ADIPOR1: variants seen among roughly 807,000 people sequenced by gnomAD.
ADIPOR1 encodes adiponectin receptor 1, also known as adiponectin receptor protein 1.
In ADIPOR1, 15 loss-of-function variants were observed where a neutral mutation model predicts 37.5. The ratio of observed to expected loss-of-function variants is 0.40; its 90% CI spans 0.27 to 0.62. The LOEUF is 0.62. Among genes scored for constraint, ADIPOR1 ranks in the 20% least tolerant of loss-of-function variants. The pLI, the probability that ADIPOR1 is intolerant of heterozygous loss-of-function variation, is 0.42. For missense variants in ADIPOR1, 286 were observed against 478.0 expected, an observed-to-expected ratio of 0.60 and a Z score of 3.75; for synonymous variants, 173 against 173.2, an observed-to-expected ratio of 1.00 and a Z score of 0.01.
chr1:202,952,340 G>C (rs1323010083), intron 1 of ADIPOR1, among the ~76,000 whole-genome samples: 1 of 152,124 alleles, frequency 6.6e-6, no homozygotes, highest in African/African-American at 2.4e-5. Context: ...TTGCATTCCG[G>C]GAGAGGAAAC....
At chr1:202,951,814 C>T (rs953956524) in intron 1 of ADIPOR1, among the ~76,000 whole-genome samples, 3 of 152,204 alleles carry the variant, frequency 2.0e-5, no homozygotes, top group Admixed American at 6.5e-5. Context: ...ATCTGTCCTG[C>T]AAGCAAGCAA....
intron 6 of ADIPOR1, among the ~76,000 whole-genome samples, chr1:202,942,466 A>G (rs1000027834): frequency 1.3e-5 from 2 of 152,208 alleles, no homozygotes; most frequent in African/African-American, 4.8e-5. Flanking sequence ...CATATTCTTC[A>G]TTATCTGTTA....
At chr1:202,957,076 T>C (rs1654814065) in intron 1 of ADIPOR1, among the ~76,000 whole-genome samples, 1 of 152,116 alleles carries the variant, frequency 6.6e-6, no homozygotes, top group Non-Finnish European at 1.5e-5. Context: ...GTAAATACAT[T>C]TAGTAGCTGC....
At position 202,943,739 on chromosome 1, in the gene ADIPOR1, C is replaced by T. The variant is rs767786384; in HGVS notation, c.805+19G>A. 115 of 1,610,912 alleles carry T rather than the reference C, an allele frequency of 7.1e-5. No individual in the cohort carries two copies. Among genetic ancestry groups the T allele is most frequent in the East Asian group, 1.3e-4 (6 of 44,890 alleles). Reference sequence around the variant, plus strand: ...AAGGTCTAAATACCTCTGAGGTGTACGTACATCTTCCGACCTACCTGCTCT... The same window carrying T: ...AAGGTCTAAATACCTCTGAGGTGTATGTACATCTTCCGACCTACCTGCTCT... On this transcript the variant is annotated intron_variant, in intron 6 of 7. Transcript: ENST00000340990.
chr1:202,957,142 AT>A (rs1458291776), intron 1 of ADIPOR1, among the ~76,000 whole-genome samples: 1 of 152,242 alleles, frequency 6.6e-6, no homozygotes, highest in Non-Finnish European at 1.5e-5. Context: ...TCCTGGCAGT[AT>A]ACAGATAGTA....
rs369510824 is a variant in ADIPOR1, at chr1:202,945,814, A to C, written c.430+625T>G. On this transcript the variant is annotated intron_variant, in intron 4 of 7. Transcript: ENST00000340990. ...ACTTATAAGTGGGAGCTAAGCTATG[A>C]GTACGCAAAGGCATATAGAATGATA... Among the ~76,000 whole-genome samples the C allele has an allele frequency of 4.4e-4, 67 of 152,318 alleles. 1 individual carries two copies. The East Asian group carries it at 6.2e-3, about 14-fold the overall frequency.
In ADIPOR1 at chr1:202,955,742, T is replaced by G. The variant is rs1421094909; in HGVS notation, c.-95+2443A>C. 1.3e-5 allele frequency among the ~76,000 whole-genome samples: 2 copies of G among 152,170 alleles called. 1 individual carries two copies. The highest frequency in any genetic ancestry group is 2.9e-5 in the Non-Finnish European group (2 of 68,028). On this transcript the variant is annotated intron_variant, in intron 1 of 7. Coordinates refer to ENST00000340990, the MANE Select transcript of ADIPOR1 (RefSeq NM_015999.6). ...CATCAGCCTCCCAAAGTGCTGGGAT[T>G]ACAGGTGTGAGCCACCGTGCCCAGC... is the stretch of plus-strand genomic sequence containing the variant.
intron 6 of ADIPOR1, among the ~76,000 whole-genome samples, chr1:202,942,781 A>C (rs1654148031): frequency 6.6e-6 from 1 of 152,198 alleles, no homozygotes; most frequent in Non-Finnish European, 1.5e-5. Flanking sequence ...CATCTTTGTA[A>C]ATACCTTTGT....
intron 5 of ADIPOR1, 60 bp from the exon 6 acceptor site, chr1:202,944,005 TTAAC>T (rs1456087978): frequency 2.1e-6 from 3 of 1,459,750 alleles, no homozygotes; most frequent in Non-Finnish European, 1.9e-6. Context: ...TATGGCTCAT[TTAAC>T]TAGCTCTTTC....
intron 1 of ADIPOR1, among the ~76,000 whole-genome samples, chr1:202,956,687 G>A (rs544706021): frequency 1.3e-5 from 2 of 152,236 alleles, no homozygotes; most frequent in Non-Finnish European, 2.9e-5. Flanking sequence ...GAGGGTATAT[G>A]GTGTGAACAT....
intron 3 of ADIPOR1, among the ~76,000 whole-genome samples, chr1:202,947,246 G>A (rs1654367543): frequency 1.3e-5 from 2 of 152,174 alleles, no homozygotes; most frequent in Non-Finnish European, 2.9e-5. Flanking sequence ...ACCAGGCTGG[G>A]CGCAGTGGTT....
rs367734278 is a variant in ADIPOR1 at position 202,948,367 on chromosome 1, C to T, written c.195G>A (p.Arg65=). 2 of 1,613,912 alleles carry T rather than the reference C, an allele frequency of 1.2e-6. No individual in the cohort carries two copies. Among genetic ancestry groups the T allele is most frequent in the African/African-American group, 1.3e-5 (1 of 74,888 alleles). Residue 65 remains arginine, a synonymous_variant, in exon 3 of 8, where the codon CGG becomes CGA. Transcript: ENST00000340990. ...GGGCTTGCAGGGGAAGTGTCAGTAC[C>T]CGCACCTCCTCCTCTTCTTCCTGGG... ...PVPQEEEEEV[R]VLTLPLQAHH...
At chr1:202,946,845 C>T (rs1050471847) in intron 3 of ADIPOR1, among the ~76,000 whole-genome samples, 1 of 151,376 alleles carries the variant, frequency 6.6e-6, no homozygotes, top group South Asian at 2.1e-4. Flanking sequence ...CTGAGTGTAG[C>T]GGCTCATGCC....
Position 202,945,078 on chromosome 1 carries a change from C to T in ADIPOR1, c.522G>A (p.Gly174=). ...AGAGCACTGCACCCAAAAAGAACAT[C>T]CCAAAAACCACCTTCTCCTGTAGAG... ...MAPLQEKVVF[G]MFFLGAVLCL... The change falls in exon 5 of 8, where the codon GGG becomes GGA. Residue 174 remains glycine (G), a synonymous_variant. Transcript: ENST00000340990. The T allele has an allele frequency of 6.2e-7, 1 of 1,614,132 alleles. No individual in the cohort carries two copies. Among genetic ancestry groups the T allele is most frequent in the South Asian group, 1.1e-5 (1 of 91,078 alleles).
At chr1:202,941,923 A>C (rs1363372708) in intron 7 of ADIPOR1, 102 bp downstream of exon 7, 25 of 1,312,280 alleles carry the variant, frequency 1.9e-5, no homozygotes, top group Non-Finnish European at 2.4e-5. Context: ...ATGTACCTCC[A>C]AACACTATAT....
chr1:202,945,636 T>A (rs1284416159), intron 4 of ADIPOR1, among the ~76,000 whole-genome samples: 1 of 152,082 alleles, frequency 6.6e-6, no homozygotes, highest in Non-Finnish European at 1.5e-5. Flanking sequence ...AATGAGTGAA[T>A]AAAGGAAATG....
At chr1:202,944,038 A>G in intron 5 of ADIPOR1, 93 bp from the exon 6 acceptor site, 1 of 1,150,422 alleles carries the variant, frequency 8.7e-7, no homozygotes, top group Non-Finnish European at 1.2e-6. Context: ...ACCTGCTCCC[A>G]GATTTAACCA....
In ADIPOR1 at chr1:202,950,973, A is replaced by T. The variant is rs1654555900; in HGVS notation, c.98T>A (p.Leu33Gln). 1 of 1,614,184 alleles carries T rather than the reference A, an allele frequency of 6.2e-7. No individual in the cohort carries two copies. Residue 33 changes from leucine to glutamine, a missense_variant, in exon 2 of 8, where the codon CTG becomes CAG. Physicochemically the swap from Leu to Gln is moderately radical, Grantham distance 113. Transcript: ENST00000340990. ...TACCCGTTTGCCCTTCTCTTCTAGC[A>T]GGGGTCCCAGTTCAGCCAGTTCCAC... is the stretch of plus-strand genomic sequence containing the variant. Reference protein sequence around the residue: ...DTVELAELGPLLEEKGKRVIA... With the variant: ...DTVELAELGPQLEEKGKRVIA...
chr1:202,951,231 A>C, intron 1 of ADIPOR1, 67 bp from the exon 2 acceptor site: 2 of 774,402 alleles, frequency 2.6e-6, no homozygotes, highest in Non-Finnish European at 4.0e-6. Context: ...TCTATACTCT[A>C]ATACTGAATA....
Sources: gnomAD v4.1 joint callset for allele counts (sites outside exome capture counted in the v4.1 genomes callset) on GRCh38, gnomAD v4.1.1 for gene constraint, MANE v1.5 for transcripts, NCBI Gene and HGNC (gene_info 2026-07-23, HGNC 2026-07-21) for gene names.